SPRED2: variants seen among roughly 807,000 people sequenced by gnomAD.
SPRED2 encodes sprouty related EVH1 domain containing 2.
In SPRED2, 47 loss-of-function variants were observed where a neutral mutation model predicts 43.0. That is an observed-to-expected ratio of 1.09 (90% confidence interval 0.87 to 1.40). The LOEUF (loss-of-function observed/expected upper bound fraction) is 1.40, where lower values mean the gene tolerates loss of function less well. SPRED2 is among the 40% of genes most tolerant of loss of function. The probability of loss-of-function intolerance (pLI) is 0.00; values close to 1 mark genes in which losing one functional copy is unlikely to be tolerated. For missense variants in SPRED2, 561 were observed against 586.4 expected, an observed-to-expected ratio of 0.96 and a Z score of 0.45; for synonymous variants, 225 against 225.7, an observed-to-expected ratio of 1.00 and a Z score of 0.03.
chr2:65,337,641 T>C (rs1156772395), intron 2 of SPRED2, among the ~76,000 whole-genome samples: 2 of 152,240 alleles, frequency 1.3e-5, no homozygotes, highest in Non-Finnish European at 2.9e-5. Context: ...GCCACACCTA[T>C]AAGTTGTTTT....
At chr2:65,339,415 T>A (rs944423046) in intron 2 of SPRED2, among the ~76,000 whole-genome samples, 2 of 151,626 alleles carry the variant, frequency 1.3e-5, no homozygotes, top group African/African-American at 4.9e-5. Flanking sequence ...CCTGTTGATC[T>A]ATGACCTTAC....
intron 1 of SPRED2, among the ~76,000 whole-genome samples, chr2:65,411,525 T>G (rs1224993263): frequency 6.6e-6 from 1 of 152,196 alleles, no homozygotes; most frequent in Non-Finnish European, 1.5e-5. Context: ...TTGAAGGGAC[T>G]TGTGAAATTA....
intron 1 of SPRED2, among the ~76,000 whole-genome samples, chr2:65,419,797 G>T (rs1401119453): frequency 2.0e-5 from 3 of 152,184 alleles, no homozygotes; most frequent in Non-Finnish European, 4.4e-5. Flanking sequence ...AGTGCATATG[G>T]TTTCCCAGAC....
chr2:65,374,672 T>G (rs1675198551), intron 1 of SPRED2, among the ~76,000 whole-genome samples: 1 of 152,198 alleles, frequency 6.6e-6, no homozygotes, highest in South Asian at 2.1e-4. Context: ...TACTTGAAAA[T>G]TCTTCCTGGC....
Position 65,342,194 on chromosome 2 carries a change from G to A in SPRED2, c.204+2525C>T, listed in dbSNP as rs147427376. ...TATTATGTATGTATATTTTATATACGTATATTATGTATGTATATTTTGTAT... is the reference window on the plus strand; with the variant it reads ...TATTATGTATGTATATTTTATATACATATATTATGTATGTATATTTTGTAT... On this transcript the variant is annotated intron_variant, in intron 2 of 5. Transcript: ENST00000356388. 4.0e-3 allele frequency among the ~76,000 whole-genome samples: 579 copies of A among 143,166 alleles called. 6 individuals are homozygous for A. Among genetic ancestry groups the A allele is most frequent in the African/African-American group, 0.014 (528 of 37,668 alleles). 93.9% of individuals were successfully genotyped at this position (143,166 alleles called of 152,430 possible).
intron 1 of SPRED2, among the ~76,000 whole-genome samples, chr2:65,352,049 G>T (rs1221163184): frequency 6.6e-6 from 1 of 152,218 alleles, no homozygotes; most frequent in African/African-American, 2.4e-5. Context: ...AGAAAATAAG[G>T]CCTTTGTGTT....
chr2:65,418,110 A>G (rs1390503058), intron 1 of SPRED2, among the ~76,000 whole-genome samples: 3 of 152,116 alleles, frequency 2.0e-5, no homozygotes, highest in African/African-American at 7.2e-5. Context: ...GAGATCTGTC[A>G]GACAGAATTA....
At chr2:65,378,514 A>G (rs1572881275) in intron 1 of SPRED2, among the ~76,000 whole-genome samples, 1 of 152,200 alleles carries the variant, frequency 6.6e-6, no homozygotes, top group African/African-American at 2.4e-5. Flanking sequence ...GGGTGGGGGC[A>G]TATACTACTC....
chr2:65,334,499 C>T, intron 3 of SPRED2, 106 bp downstream of exon 3: 2 of 1,420,670 alleles, frequency 1.4e-6, no homozygotes, highest in Non-Finnish European at 1.9e-6. Flanking sequence ...TGGTCCCAAA[C>T]CCTCCCGCAA....
At chr2:65,385,505 T>G (rs1330807287) in intron 1 of SPRED2, among the ~76,000 whole-genome samples, 3 of 152,136 alleles carry the variant, frequency 2.0e-5, no homozygotes, top group African/African-American at 7.2e-5. Context: ...CAGGTAACCA[T>G]GCCAGTGCTG....
chr2:65,358,038 G>A (rs1343408238), intron 1 of SPRED2, among the ~76,000 whole-genome samples: 2 of 148,872 alleles, frequency 1.3e-5, no homozygotes, highest in African/African-American at 4.8e-5. Context: ...GCAAACTTAA[G>A]CCACTAAAAT....
rs1300507223 is a variant in SPRED2, at chr2:65,312,367, C to T, written c.*1134G>A. The T allele has an allele frequency of 5.1e-6, 5 of 985,316 alleles. No individual in the cohort carries two copies. The South Asian group carries it at 1.4e-4, about 28-fold the overall frequency. The allele number at this position is 985,316 out of a possible 1,614,324, so 61.0% of individuals were successfully genotyped here. ...GTCCAAAATGAAACGAAAACATAAA[C>T]CCATGAAGAAAATGCAACCCACCAC... On this transcript the variant is annotated 3_prime_UTR_variant, in exon 6 of 6. Transcript: ENST00000356388.
At chr2:65,397,891 TA>T (rs1167317944) in intron 1 of SPRED2, among the ~76,000 whole-genome samples, 1 of 152,016 alleles carries the variant, frequency 6.6e-6, no homozygotes, top group African/African-American at 2.4e-5. Flanking sequence ...AAAAAAATCC[TA>T]AAATTCACAT....
intron 1 of SPRED2, among the ~76,000 whole-genome samples, chr2:65,425,319 T>TG (rs755244715): frequency 1.3e-5 from 2 of 152,248 alleles, no homozygotes; most frequent in South Asian, 4.1e-4. Context: ...CAATCACAAG[T>TG]GTTAAATGCT....
intron 1 of SPRED2, among the ~76,000 whole-genome samples, chr2:65,414,185 A>G (rs897859316): frequency 5.9e-5 from 9 of 152,374 alleles, no homozygotes; most frequent in Admixed American, 5.9e-4. Flanking sequence ...ATGACAGCAC[A>G]TACTCATTCT....
intron 1 of SPRED2, among the ~76,000 whole-genome samples, chr2:65,421,007 G>A (rs1042944365): frequency 3.3e-5 from 5 of 152,160 alleles, no homozygotes; most frequent in Admixed American, 6.5e-5. Context: ...GAGCGCCCAA[G>A]CTTCCCAGGG....
chr2:65,317,776 T>C (rs1386396494), intron 4 of SPRED2, among the ~76,000 whole-genome samples: 3 of 151,886 alleles, frequency 2.0e-5, no homozygotes, highest in Admixed American at 6.6e-5. Flanking sequence ...ATCTTTGGGG[T>C]TGGGAGCAAG....
chr2:65,333,986 G>A, intron 3 of SPRED2: 1 of 283,578 alleles, frequency 3.5e-6, no homozygotes, highest in East Asian at 9.6e-5. Context: ...TTTGATACCT[G>A]GATGTGCTGC....
chr2:65,333,934 T>C (rs1673888161), intron 3 of SPRED2, among the ~76,000 whole-genome samples: 1 of 152,260 alleles, frequency 6.6e-6, no homozygotes, highest in African/African-American at 2.4e-5. Context: ...TTGATATTTC[T>C]TTCTTCACAG....
Sources: gnomAD v4.1 joint callset for allele counts (sites outside exome capture counted in the v4.1 genomes callset) on GRCh38, gnomAD v4.1.1 for gene constraint, MANE v1.5 for transcripts, NCBI Gene and HGNC (gene_info 2026-07-23, HGNC 2026-07-21) for gene names.